Variants in LAMP5 observed in about 807,000 individuals in gnomAD.
LAMP5 encodes lysosome-associated membrane glycoprotein 5.
Under a neutral mutation model 30.2 loss-of-function variants are expected in LAMP5, and 36 were observed. The observed-to-expected ratio is 1.19, with a 90% CI of 0.91 to 1.57. The LOEUF (loss-of-function observed/expected upper bound fraction) is 1.57, where lower values mean the gene tolerates loss of function less well. Among genes scored for constraint, LAMP5 ranks in the 40% most tolerant of loss-of-function variants. LAMP5 has a pLI of 0.00. For missense variants in LAMP5, 377 were observed against 354.9 expected (o/e 1.06, Z -0.50); for synonymous variants, 149 against 134.6 (o/e 1.11, Z -0.74).
At position 9,514,735 on chromosome 20, in the gene LAMP5, C is replaced by G. The variant is rs540119614; in HGVS notation, c.-118C>G. The G allele has an allele frequency of 4.6e-6, 4 of 862,996 alleles. No homozygotes were observed. Among genetic ancestry groups the G allele is most frequent in the South Asian group, 1.5e-5 (1 of 65,952 alleles). The allele number at this position is 862,996 out of a possible 1,614,324, so 53.5% of individuals were successfully genotyped here. On this transcript the variant is annotated 5_prime_UTR_variant, in exon 1 of 6. Transcript: ENST00000246070. ...CACAGAATACGCGCTCCCTCCCTCCCCCTTCTCTGTCCCCCGCCTCTCGCT... is the reference window on the plus strand; with the variant it reads ...CACAGAATACGCGCTCCCTCCCTCCGCCTTCTCTGTCCCCCGCCTCTCGCT...
At chr20:9,523,780 A>G (rs1366981586) in intron 5 of LAMP5, among the ~76,000 whole-genome samples, 1 of 152,118 alleles carries the variant, frequency 6.6e-6, no homozygotes, top group Non-Finnish European at 1.5e-5. Flanking sequence ...CTGAAGCCAG[A>G]TGTAGTCCGG....
chr20:9,527,695 AGCAAATGAGCCTGTTCTAGTTTCT>A (rs2045123435), intron 5 of LAMP5, among the ~76,000 whole-genome samples: 1 of 152,236 alleles, frequency 6.6e-6, no homozygotes, highest in African/African-American at 2.4e-5. Flanking sequence ...ACCCACAAGA[AGCAAATGAGCCTGTTCTAGTTTCT>A]AGGAATATAA....
chr20:9,515,871 C>T (rs2045033469), intron 2 of LAMP5, 129 bp from the exon 3 acceptor site: 13 of 1,162,786 alleles, frequency 1.1e-5, no homozygotes, highest in Admixed American at 6.4e-5. Context: ...CGCATGTTCC[C>T]GGAACCTGGG....
chr20:9,517,639 T>TGTGTGTGTGTGTG (rs1474402891), intron 4 of LAMP5, among the ~76,000 whole-genome samples: 2 of 89,660 alleles, frequency 2.2e-5, no homozygotes, highest in African/African-American at 6.0e-5. Flanking sequence ...GTGTGTGTAT[T>TGTGTGTGTGTGTG]TGTAGAGACA....
chr20:9,526,822 T>A (rs1420116440), intron 5 of LAMP5, among the ~76,000 whole-genome samples: 1 of 146,530 alleles, frequency 6.8e-6, no homozygotes, highest in African/African-American at 2.5e-5. Flanking sequence ...ATTATATATA[T>A]GTGTATTATA....
rs770400202 is a variant in LAMP5 at position 9,515,645 on chromosome 20, C to CG, written c.237+20_237+21insG. On this transcript the variant is annotated intron_variant, in intron 2 of 5. Transcript: ENST00000246070. Reference sequence around the variant, plus strand: ...GTAGATGTAAGGAATCTTTCCCCCCCCTCAGCTTGCTCCTAGGGCTCCAGG... The same window carrying CG: ...GTAGATGTAAGGAATCTTTCCCCCCCGCTCAGCTTGCTCCTAGGGCTCCAGG... 6.8e-6 allele frequency: 11 copies of CG among 1,611,654 alleles called. No individual in the cohort carries two copies. In the Admixed American group the frequency reaches 8.3e-5, roughly 12 times the overall value.
intron 1 of LAMP5, 132 bp from the exon 2 acceptor site, chr20:9,515,321 C>A (rs2045027826): frequency 2.7e-5 from 20 of 736,162 alleles, no homozygotes; most frequent in Admixed American, 6.1e-5. Flanking sequence ...AGAGAAACGG[C>A]TCGTAGAGCG....
At chr20:9,521,217 A>G (rs1281487803) in intron 5 of LAMP5, among the ~76,000 whole-genome samples, 3 of 152,064 alleles carry the variant, frequency 2.0e-5, no homozygotes, top group Non-Finnish European at 4.4e-5. Context: ...GGCTTTGGAG[A>G]GGGATTTATG....
At chr20:9,515,683 C>T in intron 2 of LAMP5, 58 bp downstream of exon 2, 1 of 1,575,116 alleles carries the variant, frequency 6.3e-7, no homozygotes, top group Non-Finnish European at 8.7e-7. Flanking sequence ...GAAGGGCACC[C>T]TTCCTCAAGG....
chr20:9,526,247 G>A (rs1296701202), intron 5 of LAMP5, among the ~76,000 whole-genome samples: 1 of 152,094 alleles, frequency 6.6e-6, no homozygotes, highest in African/African-American at 2.4e-5. Context: ...TGAAATCAAT[G>A]TATTTCTTCT....
At chr20:9,526,734 T>G (rs1041587393) in intron 5 of LAMP5, among the ~76,000 whole-genome samples, 2 of 151,750 alleles carry the variant, frequency 1.3e-5, no homozygotes, top group South Asian at 2.1e-4. Flanking sequence ...AGTTTAGTCC[T>G]AATAAGTCCT....
intron 5 of LAMP5, among the ~76,000 whole-genome samples, chr20:9,523,425 G>A (rs1219144117): frequency 1.3e-5 from 2 of 152,076 alleles, no homozygotes; most frequent in Non-Finnish European, 2.9e-5. Flanking sequence ...AAGCGCTCTT[G>A]TAGTTTATCT....
rs1279033386 is a variant in LAMP5, at chr20:9,529,641, G to C, written c.665-1G>C. The C allele has an allele frequency of 6.2e-7, 1 of 1,613,370 alleles. No homozygotes were observed. Among genetic ancestry groups the C allele is most frequent in the South Asian group, 1.1e-5 (1 of 90,948 alleles). ...TCTGCTTTTCTTCTTTCCCATTGCA[G>C]AGCATAAATGCCCAGTGGATGAGCG... On this transcript the variant is annotated splice_acceptor_variant, in intron 5 of 5. Transcript: ENST00000246070. LOFTEE classifies it high-confidence loss of function.
At chr20:9,529,139 G>A (rs2045133417) in intron 5 of LAMP5, among the ~76,000 whole-genome samples, 2 of 152,114 alleles carry the variant, frequency 1.3e-5, no homozygotes, top group South Asian at 4.1e-4. Flanking sequence ...GGGTATGTTT[G>A]TCTTTATTAG....
rs971826888 is a variant in LAMP5, at chr20:9,517,962, G to C, written c.476-78G>C. ...GGAGGGGTGTGGTGTCTGGAACTGA[G>C]AGGCAATAGCCAGCTCTCTGGCACA... On this transcript the variant is annotated intron_variant, in intron 4 of 5. Coordinates refer to ENST00000246070, the MANE Select transcript of LAMP5 (RefSeq NM_012261.4). The C allele has an allele frequency of 9.1e-6, 12 of 1,322,988 alleles. No homozygotes were observed. The Admixed American group carries it at 2.2e-4, about 24-fold the overall frequency. 82.0% of individuals were successfully genotyped at this position (1,322,988 alleles called of 1,614,324 possible). A position where few individuals can be genotyped will look rare whatever the true frequency, so the allele number is the denominator to read the frequency against.
intron 5 of LAMP5, among the ~76,000 whole-genome samples, chr20:9,521,097 A>G (rs2283636): frequency 0.47 from 71,418 of 151,978 alleles, 20,594 homozygotes; most frequent in African/African-American, 0.82. Context: ...GACAGTTGGA[A>G]AGGGATTTGT....
Position 9,515,973 on chromosome 20 carries a change from G to T in LAMP5, c.238-27G>T, listed in dbSNP as rs370792468. ...CCCGCCCCGGGGCCGGGCGAGCTGA[G>T]GGGGCGCGGGGCGTCTGTGTTCCCA... On this transcript the variant is annotated intron_variant, in intron 2 of 5. Coordinates refer to ENST00000246070, the MANE Select transcript of LAMP5 (RefSeq NM_012261.4). 8.1e-6 allele frequency: 12 copies of T among 1,482,790 alleles called. No individual in the cohort carries two copies. The African/African-American group carries it at 8.5e-5, about 10-fold the overall frequency. The allele number at this position is 1,482,790 out of a possible 1,614,324, so 91.9% of individuals were successfully genotyped here. A position where few individuals can be genotyped will look rare whatever the true frequency, so the allele number is the denominator to read the frequency against.
chr20:9,515,381 T>A, intron 1 of LAMP5, 72 bp from the exon 2 acceptor site: 1 of 1,449,596 alleles, frequency 6.9e-7, no homozygotes, highest in South Asian at 1.3e-5. Context: ...CAGAGCACTG[T>A]CTCCCCACCC....
At chr20:9,515,929 C>T (rs2045034045) in intron 2 of LAMP5, 71 bp from the exon 3 acceptor site, 1 of 1,418,648 alleles carries the variant, frequency 7.0e-7, no homozygotes. Context: ...AGAGTTTGGA[C>T]GCGCCGCCCT....
Sources: gnomAD v4.1 joint callset for allele counts (sites outside exome capture counted in the v4.1 genomes callset) on GRCh38, gnomAD v4.1.1 for gene constraint, MANE v1.5 for transcripts, NCBI Gene and HGNC (gene_info 2026-07-23, HGNC 2026-07-21) for gene names.